LRRTM4: variants seen among roughly 807,000 people sequenced by gnomAD.
LRRTM4 encodes the protein leucine rich repeat transmembrane neuronal 4.
Under a neutral mutation model 47.6 loss-of-function variants are expected in LRRTM4, and 25 were observed. The observed-to-expected ratio is 0.53, with a 90% CI of 0.38 to 0.73. The LOEUF (loss-of-function observed/expected upper bound fraction) is 0.73, where lower values mean the gene tolerates loss of function less well. LRRTM4 is among the 30% of genes least tolerant of loss of function. The pLI is 0.00. For missense variants in LRRTM4, 638 were observed against 713.4 expected (o/e 0.89, Z 1.20); for synonymous variants, 311 against 269.5 (o/e 1.15, Z -1.51).
chr2:77,232,258 G>C (rs574014428), intron 3 of LRRTM4, among the ~76,000 whole-genome samples: 1 of 152,334 alleles, frequency 6.6e-6, no homozygotes, highest in African/African-American at 2.4e-5. Flanking sequence ...ATTTTCCCAA[G>C]TCATCAACAT....
intron 3 of LRRTM4, among the ~76,000 whole-genome samples, chr2:77,480,866 A>AGAGAGAGAGAGAGAGAGAGAG (rs1491169115): frequency 2.3e-5 from 3 of 128,060 alleles, no homozygotes; most frequent in Non-Finnish European, 3.4e-5. Flanking sequence ...AGAGAGAGAG[A>AGAGAGAGAGAGAGAGAGAGAG]AATAGCTCTC....
At chr2:77,059,387 T>C (rs1679712120) in intron 3 of LRRTM4, among the ~76,000 whole-genome samples, 1 of 151,926 alleles carries the variant, frequency 6.6e-6, no homozygotes, top group Admixed American at 6.6e-5. Flanking sequence ...CCTTTTTTAC[T>C]TGGGTAGCTT....
intron 3 of LRRTM4, among the ~76,000 whole-genome samples, chr2:76,790,182 A>G (rs1674898767): frequency 6.6e-6 from 1 of 152,230 alleles, no homozygotes; most frequent in East Asian, 1.9e-4. Flanking sequence ...GGTTAAGCCT[A>G]GTCCACTACA....
At chr2:77,203,046 T>G (rs1392231563) in intron 3 of LRRTM4, among the ~76,000 whole-genome samples, 2 of 152,008 alleles carry the variant, frequency 1.3e-5, no homozygotes, top group Admixed American at 6.6e-5. Flanking sequence ...AATTTGATAA[T>G]TTTGCAAAAG....
At chr2:76,939,397 T>C (rs934218804) in intron 3 of LRRTM4, among the ~76,000 whole-genome samples, 1 of 152,166 alleles carries the variant, frequency 6.6e-6, no homozygotes, top group African/African-American at 2.4e-5. Context: ...AAAAAAGTAG[T>C]AAAAGCATGT....
At chr2:76,787,048 G>A (rs892698427) in intron 3 of LRRTM4, among the ~76,000 whole-genome samples, 1 of 151,942 alleles carries the variant, frequency 6.6e-6, no homozygotes, top group Non-Finnish European at 1.5e-5. Context: ...ACATAAGGAT[G>A]CCCTAAGGAA....
intron 3 of LRRTM4, among the ~76,000 whole-genome samples, chr2:77,014,872 CAT>C (rs1307027453): frequency 6.6e-6 from 1 of 151,960 alleles, no homozygotes; most frequent in African/African-American, 2.4e-5. Context: ...TATAATATCT[CAT>C]AATTGACTTT....
intron 3 of LRRTM4, among the ~76,000 whole-genome samples, chr2:76,977,592 T>A (rs1319191100): frequency 6.6e-6 from 1 of 151,962 alleles, no homozygotes; most frequent in African/African-American, 2.4e-5. Flanking sequence ...GCCCAAGGCA[T>A]AAATGCAATA....
intron 3 of LRRTM4, among the ~76,000 whole-genome samples, chr2:77,229,872 T>C (rs1438113776): frequency 2.0e-5 from 3 of 152,156 alleles, no homozygotes; most frequent in Non-Finnish European, 4.4e-5. Context: ...AGAATTGTCA[T>C]TAAATTTTTT....
intron 3 of LRRTM4, among the ~76,000 whole-genome samples, chr2:76,801,624 C>T (rs1375584425): frequency 1.3e-5 from 2 of 151,850 alleles, no homozygotes; most frequent in Non-Finnish European, 2.9e-5. Flanking sequence ...TGTGACTAAC[C>T]TGCACAATGT....
intron 3 of LRRTM4, among the ~76,000 whole-genome samples, chr2:77,214,657 G>A (rs1414448721): frequency 6.6e-6 from 1 of 151,408 alleles, no homozygotes; most frequent in Non-Finnish European, 1.5e-5. Context: ...AAGTACAATA[G>A]GAAGAAGAGA....
At chr2:77,518,052 G>C (rs1679288397) in intron 3 of LRRTM4, 2 of 1,191,966 alleles carry the variant, frequency 1.7e-6, no homozygotes, top group African/African-American at 1.6e-5. Context: ...TATACAAATT[G>C]TTAAAAAGCA....
intron 3 of LRRTM4, among the ~76,000 whole-genome samples, chr2:76,808,400 A>G (rs909093363): frequency 3.9e-5 from 6 of 151,904 alleles, no homozygotes; most frequent in Non-Finnish European, 7.4e-5. Flanking sequence ...TTCACAATAA[A>G]AATATTTTCC....
chr2:76,835,908 A>G (rs1399319713), intron 3 of LRRTM4, among the ~76,000 whole-genome samples: 2 of 152,096 alleles, frequency 1.3e-5, no homozygotes, highest in African/African-American at 4.8e-5. Context: ...TGTGAAATCC[A>G]CAGGACTATT....
chr2:76,772,736 G>C (rs1421785387), intron 3 of LRRTM4, among the ~76,000 whole-genome samples: 2 of 152,274 alleles, frequency 1.3e-5, no homozygotes, highest in East Asian at 3.9e-4. Context: ...AGTACAATAA[G>C]ACATTTTGAG....
chr2:77,226,576 TA>T (rs1349593841), intron 3 of LRRTM4, among the ~76,000 whole-genome samples: 3 of 149,938 alleles, frequency 2.0e-5, no homozygotes, highest in Non-Finnish European at 3.0e-5. Context: ...TACTAGTGTC[TA>T]AAACAATTAT....
intron 3 of LRRTM4, among the ~76,000 whole-genome samples, chr2:76,828,047 C>T (rs531168014): frequency 2.0e-5 from 3 of 151,992 alleles, no homozygotes; most frequent in Admixed American, 6.6e-5. Context: ...TATTGCTTAG[C>T]GTAAGTGTTT....
At chr2:77,214,994 T>C (rs1674396032) in intron 3 of LRRTM4, among the ~76,000 whole-genome samples, 1 of 152,188 alleles carries the variant, frequency 6.6e-6, no homozygotes, top group Admixed American at 6.5e-5. Context: ...TCTTATGCTA[T>C]ACCTAGTAAC....
At chr2:76,795,112 A>G (rs1213547428) in intron 3 of LRRTM4, among the ~76,000 whole-genome samples, 1 of 152,148 alleles carries the variant, frequency 6.6e-6, no homozygotes, top group Admixed American at 6.5e-5. Context: ...CTCAATACCG[A>G]GAGATTTACT....
Sources: gnomAD v4.1 joint callset for allele counts (sites outside exome capture counted in the v4.1 genomes callset) on GRCh38, gnomAD v4.1.1 for gene constraint, MANE v1.5 for transcripts, NCBI Gene and HGNC (gene_info 2026-07-23, HGNC 2026-07-21) for gene names.